Variants in GPHN observed in about 807,000 individuals in gnomAD.
GPHN encodes gephyrin.
Under a neutral mutation model 95.5 loss-of-function variants are expected in GPHN, and 17 were observed. The observed-to-expected ratio is 0.18, with a 90% CI of 0.12 to 0.27. The LOEUF is 0.27. GPHN is among the 10% of genes least tolerant of loss of function. GPHN has a pLI of 1.00. For synonymous variants in GPHN, 320 were observed against 322.5 expected (o/e 0.99, Z 0.08); for missense variants, 660 against 978.1 (o/e 0.67, Z 4.34).
At chr14:67,500,475 C>CAAACA in the GPHN span, among the ~76,000 whole-genome samples, 1 of 151,888 alleles carries the variant, frequency 6.6e-6, no homozygotes, top group Non-Finnish European at 1.5e-5. Flanking sequence ...CACTCCATCT[C>CAAACA]AAACAAAACA....
the GPHN span, among the ~76,000 whole-genome samples, chr14:67,409,380 A>G: frequency 6.6e-6 from 1 of 152,220 alleles, no homozygotes; most frequent in Non-Finnish European, 1.5e-5. Context: ...TCATCTCTAC[A>G]AAAATACAAA....
intron 3 of GPHN, among the ~76,000 whole-genome samples, chr14:66,817,386 T>C (rs1350530160): frequency 6.6e-6 from 1 of 152,162 alleles, no homozygotes; most frequent in Non-Finnish European, 1.5e-5. Context: ...TTTAGAACTA[T>C]TTTGAAGCTT....
chr14:67,340,032 C>CAAAA, the GPHN span: 194 of 71,020 alleles, frequency 2.7e-3, no homozygotes, highest in East Asian at 0.01. Context: ...CTCTGTCTCA[C>CAAAA]AAAAAAAAAA....
chr14:67,249,866 G>A, the GPHN span, among the ~76,000 whole-genome samples: 1 of 152,176 alleles, frequency 6.6e-6, no homozygotes, highest in South Asian at 2.1e-4. Flanking sequence ...GACTGCATTC[G>A]TTTAACGTGA....
the GPHN span, among the ~76,000 whole-genome samples, chr14:67,667,884 C>T: frequency 6.6e-6 from 1 of 152,094 alleles, no homozygotes; most frequent in Non-Finnish European, 1.5e-5. Context: ...GCAGAAGTTG[C>T]AGTGAGCCGA....
At chr14:67,285,611 A>G in the GPHN span, among the ~76,000 whole-genome samples, 1 of 152,148 alleles carries the variant, frequency 6.6e-6, no homozygotes, top group Non-Finnish European at 1.5e-5. Flanking sequence ...CTCCTGATCC[A>G]GCCGCCTCGG....
At chr14:67,265,850 C>G in the GPHN span, among the ~76,000 whole-genome samples, 1 of 147,222 alleles carries the variant, frequency 6.8e-6, no homozygotes, top group Non-Finnish European at 1.5e-5. Context: ...GAGTGAGACT[C>G]CATCTCAAAA....
chr14:66,569,399 A>T (rs972048302), intron 1 of GPHN, among the ~76,000 whole-genome samples: 2 of 152,212 alleles, frequency 1.3e-5, no homozygotes, highest in Non-Finnish European at 2.9e-5. Context: ...GCGGTGGCTC[A>T]TGCCTGTAAT....
At chr14:67,330,463 T>A in the GPHN span, among the ~76,000 whole-genome samples, 1 of 150,092 alleles carries the variant, frequency 6.7e-6, no homozygotes, top group African/African-American at 2.4e-5. Flanking sequence ...TCATTTTTTT[T>A]TTTTTTTTTT....
the GPHN span, among the ~76,000 whole-genome samples, chr14:67,610,140 C>A: frequency 6.6e-6 from 1 of 152,160 alleles, no homozygotes; most frequent in African/African-American, 2.4e-5. Context: ...TATGGTCCGG[C>A]ACCAGGCTGT....
At chr14:66,561,770 A>C (rs1467875036) in intron 1 of GPHN, among the ~76,000 whole-genome samples, 1 of 152,190 alleles carries the variant, frequency 6.6e-6, no homozygotes, top group Non-Finnish European at 1.5e-5. Flanking sequence ...TGCCTTAAGC[A>C]ATAAAAATTT....
At chr14:66,844,144 A>G (rs943456881) in intron 4 of GPHN, among the ~76,000 whole-genome samples, 3 of 152,114 alleles carry the variant, frequency 2.0e-5, no homozygotes, top group Admixed American at 6.6e-5. Flanking sequence ...TCCTTTGAGA[A>G]TATCATTTCT....
intron 10 of GPHN, among the ~76,000 whole-genome samples, chr14:67,055,456 C>T (rs571536312): frequency 1.2e-4 from 18 of 152,224 alleles, no homozygotes; most frequent in African/African-American, 4.1e-4. Flanking sequence ...AACTCTTTTA[C>T]ACTGTTGGTA....
At chr14:67,402,506 T>C in the GPHN span, among the ~76,000 whole-genome samples, 2 of 152,242 alleles carry the variant, frequency 1.3e-5, no homozygotes, top group Non-Finnish European at 2.9e-5. Flanking sequence ...TGCTATTAAA[T>C]AGTAAGTCTT....
the GPHN span, among the ~76,000 whole-genome samples, chr14:67,605,434 A>G: frequency 6.6e-6 from 1 of 152,128 alleles, no homozygotes; most frequent in South Asian, 2.1e-4. Flanking sequence ...TCAGCTCACT[A>G]TAACTTCAAA....
chr14:67,221,869 G>C, the GPHN span: 1 of 1,590,678 alleles, frequency 6.3e-7, no homozygotes, highest in Non-Finnish European at 8.6e-7. Context: ...GTCATCTCTG[G>C]TTCCTAGAAG....
At chr14:66,831,997 A>G (rs2061598886) in intron 4 of GPHN, among the ~76,000 whole-genome samples, 1 of 152,226 alleles carries the variant, frequency 6.6e-6, no homozygotes, top group South Asian at 2.1e-4. Flanking sequence ...ATACAAAAAA[A>G]TTAGCCAGGC....
At chr14:66,966,221 G>C (rs757952381) in intron 9 of GPHN, among the ~76,000 whole-genome samples, 2 of 151,990 alleles carry the variant, frequency 1.3e-5, no homozygotes, top group Non-Finnish European at 2.9e-5. Context: ...CTGTATAGCT[G>C]TCTTCCTCAA....
the GPHN span, among the ~76,000 whole-genome samples, chr14:67,375,262 GTGTGTGTGTGTGTGTGTGTGTC>G: frequency 6.7e-6 from 1 of 148,264 alleles, no homozygotes; most frequent in East Asian, 2.1e-4. Flanking sequence ...GTGTGTGTGT[GTGTGTGTGTGTGTGTGTGTGTC>G]ACAAAGTCTT....
Sources: allele counts gnomAD v4.1 joint callset (sites outside exome capture counted in the v4.1 genomes callset), GRCh38; gene constraint gnomAD v4.1.1; transcripts MANE v1.5; gene names NCBI Gene and HGNC (gene_info 2026-07-23, HGNC 2026-07-21).